EZH2: variants seen among roughly 807,000 people sequenced by gnomAD.
EZH2 encodes the protein histone-lysine N-methyltransferase EZH2.
A neutral mutation model predicts 98.4 loss-of-function variants in EZH2; 18 were observed. The ratio of observed to expected loss-of-function variants is 0.18; its 90% CI spans 0.13 to 0.27. The LOEUF is 0.27. Ranked by LOEUF, EZH2 falls within the 10% of genes least tolerant of loss-of-function variation. The probability of loss-of-function intolerance (pLI) is 1.00; values close to 1 mark genes in which losing one functional copy is unlikely to be tolerated. For missense variants in EZH2, 470 were observed against 935.1 expected, an observed-to-expected ratio of 0.50 and a Z score of 6.49; for synonymous variants, 338 against 312.3, an observed-to-expected ratio of 1.08 and a Z score of -0.87.
chr7:148,835,159 C>T (rs1036395777), intron 3 of EZH2, among the ~76,000 whole-genome samples: 9 of 152,136 alleles, frequency 5.9e-5, no homozygotes, highest in Non-Finnish European at 8.8e-5. Flanking sequence ...GTGGCTCAAG[C>T]GTATAATCTC....
rs1268368705 is a variant in EZH2 at position 148,827,749 on chromosome 7, T to C, written c.626-483A>G. Among the ~76,000 whole-genome samples the C allele has an allele frequency of 2.0e-5, 3 of 152,232 alleles. No homozygotes were observed. The East Asian group carries it at 5.8e-4, about 29-fold the overall frequency. On this transcript the variant is annotated intron_variant, in intron 6 of 19. Transcript: ENST00000320356. Reference sequence around the variant, plus strand: ...TTTGCCAAGTAGAGAACACCAACTATTGACTCTGTTTCTTCCCAATAGTGT... The same window carrying C: ...TTTGCCAAGTAGAGAACACCAACTACTGACTCTGTTTCTTCCCAATAGTGT...
intron 9 of EZH2, chr7:148,819,206 G>A: frequency 1.0e-5 from 4 of 393,894 alleles, no homozygotes; most frequent in South Asian, 4.0e-5. Flanking sequence ...AAATGACAGT[G>A]CATCTAAAAC....
chr7:148,860,556 A>C (rs1817513872), intron 1 of EZH2, among the ~76,000 whole-genome samples: 1 of 152,260 alleles, frequency 6.6e-6, no homozygotes. Context: ...TAAGAACACC[A>C]TTAACACCAT....
chr7:148,836,639 T>G (rs1179156453), intron 3 of EZH2, among the ~76,000 whole-genome samples: 2 of 152,068 alleles, frequency 1.3e-5, no homozygotes, highest in African/African-American at 4.8e-5. Context: ...ATCAACAAAT[T>G]AGATTCTCTA....
intron 11 of EZH2, 94 bp downstream of exon 11, chr7:148,817,128 G>T: frequency 8.1e-7 from 1 of 1,229,782 alleles, no homozygotes; most frequent in Non-Finnish European, 1.1e-6. Flanking sequence ...TAGGAGCTTA[G>T]TAATAACCAA....
chr7:148,810,455 G>A, intron 16 of EZH2, 41 bp from the exon 17 acceptor site: 2 of 1,418,096 alleles, frequency 1.4e-6, no homozygotes, highest in Non-Finnish European at 2.0e-6. Context: ...TTGGATAAAG[G>A]TGATCAAGCC....
intron 11 of EZH2, 186 bp downstream of exon 11, chr7:148,817,036 G>A: frequency 3.2e-6 from 2 of 633,002 alleles, no homozygotes; most frequent in South Asian, 4.8e-5. Flanking sequence ...TCTACATTGG[G>A]GAAATTCTGT....
chr7:148,859,331 C>A (rs1014364791), intron 1 of EZH2, among the ~76,000 whole-genome samples: 12 of 152,072 alleles, frequency 7.9e-5, no homozygotes, highest in African/African-American at 2.9e-4. Context: ...GACGGTGAAA[C>A]CCCGTCTCTA....
intron 19 of EZH2, 113 bp downstream of exon 19, chr7:148,808,958 T>C (rs1252959681): frequency 5.2e-6 from 4 of 763,078 alleles, no homozygotes; most frequent in African/African-American, 1.8e-5. Context: ...CTAATGCTCA[T>C]GGCAAAGTGA....
chr7:148,808,771 TG>T (rs1380057559), intron 19 of EZH2, among the ~76,000 whole-genome samples: 1 of 152,014 alleles, frequency 6.6e-6, no homozygotes, highest in African/African-American at 2.4e-5. Context: ...GCTCCACGAG[TG>T]AGCATGCAGC....
intron 9 of EZH2, 103 bp downstream of exon 9, chr7:148,819,493 T>G: frequency 3.4e-6 from 3 of 879,436 alleles, no homozygotes; most frequent in South Asian, 1.6e-5. Flanking sequence ...ATATGGCCCA[T>G]AACAGCATGG....
intron 1 of EZH2, chr7:148,850,354 G>T: frequency 3.3e-6 from 1 of 303,556 alleles, no homozygotes; most frequent in Non-Finnish European, 4.8e-6. Context: ...TTTATGTCTT[G>T]ATGAAGACAT....
At chr7:148,810,219 AG>A in intron 17 of EZH2, 113 bp downstream of exon 17, 1 of 688,426 alleles carries the variant, frequency 1.5e-6, no homozygotes. Context: ...GCCTCTAAGG[AG>A]ATCCTCCTTC....
chr7:148,832,495 T>A (rs1809668755), intron 4 of EZH2, 139 bp downstream of exon 4: 1 of 548,498 alleles, frequency 1.8e-6, no homozygotes, highest in African/African-American at 1.9e-5. Flanking sequence ...AATCAATTTT[T>A]AAAAATTACT....
At chr7:148,843,726 G>C (rs2129484055) in intron 3 of EZH2, among the ~76,000 whole-genome samples, 1 of 151,046 alleles carries the variant, frequency 6.6e-6, no homozygotes, top group East Asian at 2.0e-4. Flanking sequence ...CTCCCCAGTA[G>C]CTGGGACTAC....
intron 1 of EZH2, among the ~76,000 whole-genome samples, chr7:148,861,243 T>G (rs77166701): frequency 1.5e-5 from 2 of 129,120 alleles, no homozygotes; most frequent in Admixed American, 7.6e-5. Flanking sequence ...TTTTTTTTTT[T>G]GGAGACAGAG....
In EZH2 at chr7:148,826,432, AAGAT is replaced by A. The variant is rs1807749288; in HGVS notation, c.907+18_907+21del. On this transcript the variant is annotated intron_variant, in intron 8 of 19. Coordinates refer to ENST00000320356, the MANE Select transcript of EZH2 (RefSeq NM_004456.5). ...TGCTTTAAAACATAATTCCACAACA[AAGAT>A]AGAAAATGAAAACGTACAATAATTG... 1 of 1,534,036 alleles carries A rather than the reference AAGAT, an allele frequency of 6.5e-7. No homozygotes were observed. The highest frequency in any genetic ancestry group is 1.4e-5 in the African/African-American group (1 of 72,910).
Position 148,817,306 on chromosome 7 carries a change from G to A in EZH2, c.1326C>T (p.Ala442=). The A allele has an allele frequency of 6.2e-7, 1 of 1,613,900 alleles. No individual in the cohort carries two copies. The highest frequency in any genetic ancestry group is 8.5e-7 in the Non-Finnish European group (1 of 1,179,976). ...TGCCAATGAGGACTCTAAACATTGA[G>A]GCTTCAGCACCACTCCACTCCACAT... is the stretch of plus-strand genomic sequence containing the variant. ...PENVEWSGAE[A]SMFRVLIGTY... Residue 442 remains alanine (A), a synonymous_variant, in exon 11 of 20, where the codon GCC becomes GCT. Transcript: ENST00000320356.
chr7:148,840,504 G>A (rs182655638), intron 3 of EZH2, among the ~76,000 whole-genome samples: 55 of 152,016 alleles, frequency 3.6e-4, no homozygotes, highest in Admixed American at 1.2e-3. Flanking sequence ...TGGACTACAG[G>A]GACTTTTGCT....
Sources: allele counts gnomAD v4.1 joint callset (sites outside exome capture counted in the v4.1 genomes callset), GRCh38; gene constraint gnomAD v4.1.1; transcripts MANE v1.5; gene names NCBI Gene and HGNC (gene_info 2026-07-23, HGNC 2026-07-21).